Variants in FXYD3 observed in about 807,000 individuals in gnomAD.
The protein encoded by FXYD3 is FXYD domain containing ion transport regulator 3.
Under a neutral mutation model 19.2 loss-of-function variants are expected in FXYD3, and 13 were observed. The ratio of observed to expected loss-of-function variants is 0.68; its 90% CI spans 0.44 to 1.08. The LOEUF is 1.08. Ranked by LOEUF, FXYD3 falls within the 50% of genes least tolerant of loss-of-function variation. FXYD3 has a pLI of 0.00. For synonymous variants in FXYD3, 48 were observed against 38.9 expected (o/e 1.23, Z -0.87); for missense variants, 101 against 109.4 (o/e 0.92, Z 0.34).
Position 35,121,238 on chromosome 19 carries a change from C to G in FXYD3, c.90C>G (p.Phe30Leu). The change falls in exon 5 of 9, where the codon TTC (phenylalanine) becomes TTG (leucine). Residue 30 changes from phenylalanine (F) to leucine (L), a missense_variant. By Grantham distance (22) the Phe-to-Leu change is conservative. Coordinates refer to ENST00000604404, the MANE Select transcript of FXYD3 (RefSeq NM_005971.4). The stretch of plus-strand genomic sequence containing the variant: ...TCCTTGCAGATAAAAACAGTCCTTT[C>G]TACTATGGTGAGAGCCCGTGCCCCC... ...ANDLEDKNSP[F>L]YYDWHSLQVG... 1 of 1,614,022 alleles carries G rather than the reference C, an allele frequency of 6.2e-7. No individual in the cohort carries two copies. The highest frequency in any genetic ancestry group is 8.5e-7 in the Non-Finnish European group (1 of 1,179,872).
At chr19:35,122,996 C>G in intron 7 of FXYD3, 42 bp downstream of exon 7, 1 of 1,542,054 alleles carries the variant, frequency 6.5e-7, no homozygotes, top group Non-Finnish European at 8.7e-7. Context: ...GCTGACTGGA[C>G]GCTTTTCAGG....
chr19:35,117,323 TG>T, intron 2 of FXYD3: 1 of 1,510,136 alleles, frequency 6.6e-7, no homozygotes, highest in East Asian at 2.6e-5. Flanking sequence ...GGGGGTATAG[TG>T]GGGCCTTGCA....
chr19:35,119,802 C>A (rs755228237), intron 3 of FXYD3: 2 of 211,914 alleles, frequency 9.4e-6, no homozygotes, highest in Non-Finnish European at 1.9e-5. Context: ...TCCTACACAG[C>A]TAGAATGCCA....
intron 3 of FXYD3, chr19:35,119,817 C>A: frequency 5.0e-6 from 1 of 201,198 alleles, no homozygotes; most frequent in Non-Finnish European, 1.0e-5. Context: ...ATGCCAGGCA[C>A]ACGCCACCAT....
chr19:35,120,315 T>G (rs1356906770), intron 3 of FXYD3, among the ~76,000 whole-genome samples: 2 of 152,102 alleles, frequency 1.3e-5, no homozygotes, highest in East Asian at 3.9e-4. Context: ...AACTTTTGTA[T>G]TTTTAGAAGA....
Position 35,117,757 on chromosome 19 carries a change from C to CAAAAAAAAAAAAAAA in FXYD3, c.-15+1405_-15+1406insAAAAAAAAAAAAAAA, listed in dbSNP as rs67977522. On this transcript the variant is annotated intron_variant, in intron 2 of 8. Transcript: ENST00000604404. ...CCCAAAGCCTCAGGCTTTCTTCCCG[C>CAAAAAAAAAAAAAAA]AAAAAAAGGAAAAGAAATGGATGCT... Among the ~76,000 whole-genome samples, 588 of 65,688 alleles carry CAAAAAAAAAAAAAAA rather than the reference C, an allele frequency of 9.0e-3. 36 individuals are homozygous for CAAAAAAAAAAAAAAA. The highest frequency in any genetic ancestry group is 0.034 in the African/African-American group (508 of 14,902). The allele number at this position is 65,688 out of a possible 152,430, so 43.1% of individuals were successfully genotyped here.
chr19:35,119,080 G>A (rs2064971093), intron 2 of FXYD3: 3 of 899,458 alleles, frequency 3.3e-6, no homozygotes, highest in Non-Finnish European at 5.4e-6. Context: ...ACAACAGCGG[G>A]CAGTGGCGCC....
rs573201172 is a variant in FXYD3 at position 35,117,578 on chromosome 19, G to A, written c.-15+1219G>A. Among the ~76,000 whole-genome samples, 12 of 151,862 alleles carry A rather than the reference G, an allele frequency of 7.9e-5. No homozygotes were observed. In the South Asian group the frequency reaches 2.3e-3, roughly 29 times the overall value. On this transcript the variant is annotated intron_variant, in intron 2 of 8. Coordinates refer to ENST00000604404, the MANE Select transcript of FXYD3 (RefSeq NM_005971.4). ...GCATCTGCTGTTATTACCAGGACTC[G>A]TATGGTCATGGGTGACAGCTTCAGA...
Position 35,121,254 on chromosome 19 carries a change from C to A in FXYD3, c.97+9C>A, listed in dbSNP as rs558294811. 3.7e-6 allele frequency: 6 copies of A among 1,613,806 alleles called. No homozygotes were observed. The highest frequency in any genetic ancestry group is 3.3e-5 in the Admixed American group (2 of 59,992). ...CAGTCCTTTCTACTATGGTGAGAGC[C>A]CGTGCCCCCTTTCCCCTCCCCACAA... On this transcript the variant is annotated intron_variant, in intron 5 of 8. Coordinates refer to ENST00000604404, the MANE Select transcript of FXYD3 (RefSeq NM_005971.4).
chr19:35,122,917 G>C lies in FXYD3; in HGVS notation c.173-1G>C, dbSNP rs2065077932. ...CCTGACCACTCAGCTCTCCCCAACA[G>C]GTGCAAAATGCAAATGCAAGTTTGG... On this transcript the variant is annotated splice_acceptor_variant, in intron 6 of 8. Coordinates refer to ENST00000604404, the MANE Select transcript of FXYD3 (RefSeq NM_005971.4). LOFTEE classifies it high-confidence loss of function. The C allele has an allele frequency of 6.2e-7, 1 of 1,609,544 alleles. No homozygotes were observed. The highest frequency in any genetic ancestry group is 1.7e-5 in the Admixed American group (1 of 59,280).
rs575016663 is a variant in FXYD3 at position 35,119,498 on chromosome 19, T to G, written c.40+82T>G. 9.3e-6 allele frequency: 12 copies of G among 1,291,834 alleles called. No individual in the cohort carries two copies. In the South Asian group the frequency reaches 1.3e-4, roughly 14 times the overall value. The allele number at this position is 1,291,834 out of a possible 1,614,324, so 80.0% of individuals were successfully genotyped here. A position where few individuals can be genotyped will look rare whatever the true frequency, so the allele number is the denominator to read the frequency against. ...AACCTCTGTCTCTCTCCTGTGCTTTTCTACCTCCCCGGGAAGGTGGTAAAT... is the reference window on the plus strand; with the variant it reads ...AACCTCTGTCTCTCTCCTGTGCTTTGCTACCTCCCCGGGAAGGTGGTAAAT... On this transcript the variant is annotated intron_variant, in intron 3 of 8. Transcript: ENST00000604404.
At chr19:35,119,537 C>G in intron 3 of FXYD3, 121 bp downstream of exon 3, 1 of 877,632 alleles carries the variant, frequency 1.1e-6, no homozygotes, top group Non-Finnish European at 1.9e-6. Context: ...AGAACAGCAT[C>G]TCCCTGAGGG....
chr19:35,123,110 AG>A (rs1348092147), intron 7 of FXYD3, 156 bp downstream of exon 7: 2 of 1,462,620 alleles, frequency 1.4e-6, no homozygotes, highest in African/African-American at 1.4e-5. Context: ...GGTAATCCCC[AG>A]GGGGCCCCAA....
rs748057089 is a variant in FXYD3 at position 35,121,093 on chromosome 19, A to T, written c.56A>T (p.Asp19Val). The T allele has an allele frequency of 1.1e-5, 17 of 1,612,790 alleles. No homozygotes were observed. The highest frequency in any genetic ancestry group is 1.3e-5 in the Non-Finnish European group (15 of 1,180,016). The change falls in exon 4 of 9, where the codon GAC (aspartate) becomes GTC (valine). Residue 19 changes from aspartate to valine, a missense_variant. Physicochemically the swap from Asp to Val is radical, Grantham distance 152. Coordinates refer to ENST00000604404, the MANE Select transcript of FXYD3 (RefSeq NM_005971.4). ...LVFLAGFPVLDANDLEDKNSP... is the reference protein window; with the variant it reads ...LVFLAGFPVLVANDLEDKNSP... ...CTCCCACTAGGCTTTCCTGTCCTGGACGCCAATGACCTAGAAGGTGAGTCA... is the reference window on the plus strand; with the variant it reads ...CTCCCACTAGGCTTTCCTGTCCTGGTCGCCAATGACCTAGAAGGTGAGTCA...
At position 35,119,433 on chromosome 19, in the gene FXYD3, C is replaced by T. The variant is rs779050924; in HGVS notation, c.40+17C>T. The T allele has an allele frequency of 1.2e-5, 19 of 1,612,330 alleles. No homozygotes were observed. Among genetic ancestry groups the T allele is most frequent in the African/African-American group, 6.7e-5 (5 of 74,876 alleles). ...TCCTGGCAGGTGAGTACCCATCCCC[C>T]GTCTGCCTTTTCCTCTGGATCCCCT... On this transcript the variant is annotated intron_variant, in intron 3 of 8. Coordinates refer to ENST00000604404, the MANE Select transcript of FXYD3 (RefSeq NM_005971.4).
chr19:35,121,690 C>G (rs2145338698), intron 5 of FXYD3: 1 of 320,222 alleles, frequency 3.1e-6, no homozygotes, highest in Admixed American at 5.3e-5. Context: ...ATACTGCCAG[C>G]CTCAGACCTC....
chr19:35,120,472 C>T (rs1038709743), intron 3 of FXYD3, among the ~76,000 whole-genome samples: 4 of 152,210 alleles, frequency 2.6e-5, no homozygotes, highest in African/African-American at 4.8e-5. Flanking sequence ...GCCTTGACCT[C>T]CCAGGCTCAA....
chr19:35,117,100 AGGGCT>A, intron 2 of FXYD3: 1 of 985,360 alleles, frequency 1.0e-6, no homozygotes, highest in South Asian at 4.7e-5. Context: ...CATCAGCTGC[AGGGCT>A]GCCTTCCTCT....
chr19:35,117,183 G>C, intron 2 of FXYD3: 1 of 1,393,772 alleles, frequency 7.2e-7, no homozygotes, highest in Non-Finnish European at 9.3e-7. Flanking sequence ...AGCCTGAATG[G>C]GGAACGTGAG....
Sources: gnomAD v4.1 joint callset for allele counts (sites outside exome capture counted in the v4.1 genomes callset) on GRCh38, gnomAD v4.1.1 for gene constraint, MANE v1.5 for transcripts, NCBI Gene and HGNC (gene_info 2026-07-23, HGNC 2026-07-21) for gene names.